The following ADGRB3 variants were observed in gnomAD, a reference collection of about 807,000 sequenced individuals.
ADGRB3 encodes the protein brain-specific angiogenesis inhibitor 3.
In ADGRB3, 37 loss-of-function variants were observed where a neutral mutation model predicts 193.4. The observed-to-expected ratio is 0.19, with a 90% confidence interval of 0.15 to 0.25. The LOEUF is 0.25. ADGRB3 is among the 10% of genes least tolerant of loss of function. The pLI, the probability that ADGRB3 is intolerant of heterozygous loss-of-function variation, is 1.00. For missense variants in ADGRB3, 1,637 were observed against 1,852.9 expected (o/e 0.88, Z 2.14); for synonymous variants, 690 against 644.2 (o/e 1.07, Z -1.08).
intron 17 of ADGRB3, among the ~76,000 whole-genome samples, chr6:69,213,956 T>C (rs747801696): frequency 3.0e-4 from 46 of 152,220 alleles, no homozygotes; most frequent in Non-Finnish European, 6.2e-4. Context: ...GACCTAAAAA[T>C]TGAGTAGGGG....
chr6:68,961,305 G>C (rs140251463), intron 8 of ADGRB3, among the ~76,000 whole-genome samples: 27 of 152,264 alleles, frequency 1.8e-4, no homozygotes, highest in Non-Finnish European at 3.2e-4. Flanking sequence ...ATTTGAACAA[G>C]TCTGATGTAA....
At chr6:69,066,970 G>C (rs2150309549) in intron 16 of ADGRB3, among the ~76,000 whole-genome samples, 1 of 152,184 alleles carries the variant, frequency 6.6e-6, no homozygotes, top group African/African-American at 2.4e-5. Flanking sequence ...TTTCCAAGGT[G>C]AATAACATCT....
chr6:69,308,404 T>C (rs1353885453), intron 20 of ADGRB3, among the ~76,000 whole-genome samples: 1 of 149,506 alleles, frequency 6.7e-6, no homozygotes, highest in East Asian at 1.9e-4. Flanking sequence ...TTGAGGAAGA[T>C]ATGGTTCAGA....
At chr6:68,893,971 A>G (rs186751762) in intron 3 of ADGRB3, among the ~76,000 whole-genome samples, 1 of 152,072 alleles carries the variant, frequency 6.6e-6, no homozygotes, top group East Asian at 1.9e-4. Context: ...CATAGATGAT[A>G]TATGTATCAA....
intron 20 of ADGRB3, among the ~76,000 whole-genome samples, chr6:69,250,825 T>C (rs1766603088): frequency 1.3e-5 from 2 of 152,196 alleles, no homozygotes; most frequent in African/African-American, 2.4e-5. Flanking sequence ...CAGTTATAAA[T>C]CATATCGTGA....
At chr6:69,266,720 C>T (rs796350340) in intron 20 of ADGRB3, among the ~76,000 whole-genome samples, 4 of 151,996 alleles carry the variant, frequency 2.6e-5, no homozygotes, top group African/African-American at 9.6e-5. Flanking sequence ...ACCAAAACAA[C>T]AAACAGAGAG....
At position 69,388,872 on chromosome 6, in the gene ADGRB3, A is replaced by G; in HGVS notation, c.4550A>G (p.Asp1517Gly). The change falls in exon 32 of 32, where the codon GAC (aspartate) becomes GGC (glycine). Residue 1517 changes from aspartate to glycine, a missense_variant. Around this residue, in one of 7 missense-constraint regions of ADGRB3, gnomAD observed 368 missense variants for 367.4 expected, o/e 1.00. Transcript: ENST00000370598. The part of the protein sequence containing the change: ...LNLPLDVQEG[D>G]FQTEV ...TTGCCTCTGGATGTGCAAGAGGGTGACTTTCAAACAGAAGTTTAAAAAAAT... is the reference window on the plus strand; with the variant it reads ...TTGCCTCTGGATGTGCAAGAGGGTGGCTTTCAAACAGAAGTTTAAAAAAAT... 6.2e-7 allele frequency: 1 copy of G among 1,611,568 alleles called. No individual in the cohort carries two copies. Among genetic ancestry groups the G allele is most frequent in the Non-Finnish European group, 8.5e-7 (1 of 1,179,032 alleles).
At chr6:69,271,398 C>G (rs1046905609) in intron 20 of ADGRB3, among the ~76,000 whole-genome samples, 5 of 152,006 alleles carry the variant, frequency 3.3e-5, no homozygotes, top group Non-Finnish European at 7.4e-5. Flanking sequence ...ATGCATAGAT[C>G]AATGATAAGA....
intron 18 of ADGRB3, 140 bp downstream of exon 18, chr6:69,233,556 T>G: frequency 1.1e-5 from 12 of 1,078,314 alleles, no homozygotes; most frequent in South Asian, 1.5e-5. Flanking sequence ...TCCTTAGCTA[T>G]AGTAGCTTGG....
At chr6:68,700,434 A>G (rs962971800) in intron 3 of ADGRB3, among the ~76,000 whole-genome samples, 3 of 152,126 alleles carry the variant, frequency 2.0e-5, no homozygotes, top group African/African-American at 4.8e-5. Context: ...TCAATTTAGC[A>G]TTATCTGATC....
intron 17 of ADGRB3, among the ~76,000 whole-genome samples, chr6:69,175,302 A>C (rs1775390899): frequency 6.6e-6 from 1 of 152,192 alleles, no homozygotes; most frequent in South Asian, 2.1e-4. Context: ...ACCCATCTTG[A>C]GTCGATTTTT....
intron 20 of ADGRB3, among the ~76,000 whole-genome samples, chr6:69,254,123 A>T (rs1033730281): frequency 6.6e-6 from 1 of 152,196 alleles, no homozygotes; most frequent in Non-Finnish European, 1.5e-5. Context: ...CTTTATTTAC[A>T]GTAAATGAGA....
At chr6:69,344,292 G>T (rs939292600) in intron 26 of ADGRB3, among the ~76,000 whole-genome samples, 1 of 152,172 alleles carries the variant, frequency 6.6e-6, no homozygotes, top group Non-Finnish European at 1.5e-5. Context: ...AGGAGGTCTA[G>T]GCTGCACCAG....
At chr6:69,074,248 T>C (rs1186009658) in intron 16 of ADGRB3, among the ~76,000 whole-genome samples, 1 of 152,180 alleles carries the variant, frequency 6.6e-6, no homozygotes, top group East Asian at 1.9e-4. Context: ...CATGTACCAA[T>C]TAAAATGAAT....
intron 17 of ADGRB3, among the ~76,000 whole-genome samples, chr6:69,076,733 G>A (rs748831688): frequency 5.3e-5 from 8 of 152,084 alleles, no homozygotes; most frequent in Non-Finnish European, 1.2e-4. Flanking sequence ...AAATACTTGT[G>A]TAGCTTATAA....
intron 3 of ADGRB3, among the ~76,000 whole-genome samples, chr6:68,756,967 C>G (rs1766309504): frequency 6.6e-6 from 1 of 152,170 alleles, no homozygotes; most frequent in Admixed American, 6.6e-5. Context: ...CACTCCTTCA[C>G]TTCCTCTAAA....
At chr6:68,908,900 G>T (rs1281054838) in intron 3 of ADGRB3, among the ~76,000 whole-genome samples, 1 of 152,134 alleles carries the variant, frequency 6.6e-6, no homozygotes, top group Non-Finnish European at 1.5e-5. Context: ...AGCAAGCCTT[G>T]TGGTTAAATG....
intron 5 of ADGRB3, among the ~76,000 whole-genome samples, chr6:68,937,225 A>AAG (rs59088683): frequency 0.03 from 4,430 of 149,614 alleles, 71 homozygotes; most frequent in Non-Finnish European, 0.033. Flanking sequence ...AAACTTAATG[A>AAG]AGAGAGAGAG....
At chr6:69,245,601 AT>A (rs879535196) in intron 20 of ADGRB3, among the ~76,000 whole-genome samples, 12 of 150,904 alleles carry the variant, frequency 8.0e-5, no homozygotes, top group East Asian at 1.9e-4. Context: ...AAATTAATCT[AT>A]TTTTTTTTGT....
Sources: gnomAD v4.1 joint callset for allele counts (sites outside exome capture counted in the v4.1 genomes callset) on GRCh38, gnomAD v4.1.1 for gene constraint, gnomAD v4.1.1 regional missense constraint, MANE v1.5 for transcripts, NCBI Gene and HGNC (gene_info 2026-07-23, HGNC 2026-07-21) for gene names.